KCNIP4: variants seen among roughly 807,000 people sequenced by gnomAD.
KCNIP4 encodes the protein potassium voltage-gated channel interacting protein 4.
KCNIP4 carries 12 observed loss-of-function variants against 34.0 expected under a neutral mutation model. The ratio of observed to expected loss-of-function variants is 0.35; its 90% CI spans 0.23 to 0.57. KCNIP4 has a LOEUF of 0.57. Among genes scored for constraint, KCNIP4 ranks in the 20% least tolerant of loss-of-function variants. The pLI, the probability that KCNIP4 is intolerant of heterozygous loss-of-function variation, is 0.83. For missense variants in KCNIP4, 238 were observed against 311.7 expected, an observed-to-expected ratio of 0.76 and a Z score of 1.78; for synonymous variants, 124 against 102.2, an observed-to-expected ratio of 1.21 and a Z score of -1.29.
intron 1 of KCNIP4, among the ~76,000 whole-genome samples, chr4:21,701,704 G>A (rs1259893947): frequency 6.6e-6 from 1 of 151,888 alleles, no homozygotes; most frequent in Non-Finnish European, 1.5e-5. Context: ...ATACATTTTT[G>A]TTGTTGTTTT....
chr4:21,785,610 T>TAAATAAATAAATAAATA lies in KCNIP4; in HGVS notation c.61+162960_61+162961insTATTTATTTATTTATTT, dbSNP rs1553931494. On this transcript the variant is annotated intron_variant, in intron 1 of 8. Transcript: ENST00000382152. ...CCATCTCAATAAATAAATAAATAAA[T>TAAATAAATAAATAAATA]AAATAAAATAAAAAAATAACCATGA... Among the ~76,000 whole-genome samples, 779 of 147,602 alleles carry TAAATAAATAAATAAATA rather than the reference T, an allele frequency of 5.3e-3. 11 individuals are homozygous for TAAATAAATAAATAAATA. Among genetic ancestry groups the TAAATAAATAAATAAATA allele is most frequent in the African/African-American group, 0.018 (686 of 38,016 alleles).
intron 1 of KCNIP4, among the ~76,000 whole-genome samples, chr4:21,593,817 C>A (rs1190428576): frequency 2.6e-5 from 4 of 152,124 alleles, no homozygotes; most frequent in African/African-American, 4.8e-5. Context: ...TCCATAGCAG[C>A]ATTAATGCCA....
At chr4:20,953,712 CTGAA>C (rs1560597394) in intron 1 of KCNIP4, among the ~76,000 whole-genome samples, 1 of 152,112 alleles carries the variant, frequency 6.6e-6, no homozygotes. Flanking sequence ...CTGTAATTTA[CTGAA>C]TGAATGAATG....
chr4:21,730,968 G>A (rs1451585610), intron 1 of KCNIP4, among the ~76,000 whole-genome samples: 1 of 151,970 alleles, frequency 6.6e-6, no homozygotes, highest in Non-Finnish European at 1.5e-5. Flanking sequence ...CAAAAAATTA[G>A]CCAGACGTGG....
intron 1 of KCNIP4, among the ~76,000 whole-genome samples, chr4:21,752,625 A>T (rs908756663): frequency 5.4e-4 from 82 of 152,320 alleles, no homozygotes; most frequent in Admixed American, 9.2e-4. Flanking sequence ...GAAAAATTCT[A>T]TTCTTTCCTG....
At chr4:21,414,116 G>T (rs370300298) in intron 1 of KCNIP4, among the ~76,000 whole-genome samples, 7 of 152,042 alleles carry the variant, frequency 4.6e-5, no homozygotes, top group African/African-American at 1.4e-4. Flanking sequence ...ATATAGAGTA[G>T]GTTAGATGAT....
rs186310741 is a variant in KCNIP4 at position 21,769,567 on chromosome 4, C to T, written c.61+179004G>A. ...TTATTTTATCTTGAAGGAAACTGTT[C>T]GAATTCCCTCTGTCATGCAAGAAGA... On this transcript the variant is annotated intron_variant, in intron 1 of 8. Transcript: ENST00000382152. Among the ~76,000 whole-genome samples, 1,336 of 152,150 alleles carry T rather than the reference C, an allele frequency of 8.8e-3. 20 individuals carry two copies. The highest frequency in any genetic ancestry group is 0.039 in the South Asian group (188 of 4,826).
chr4:21,605,774 CT>C (rs1743598169), intron 1 of KCNIP4, among the ~76,000 whole-genome samples: 3 of 152,136 alleles, frequency 2.0e-5, no homozygotes, highest in Non-Finnish European at 4.4e-5. Context: ...TCCACTGTGC[CT>C]GGCGTACAAT....
intron 1 of KCNIP4, among the ~76,000 whole-genome samples, chr4:21,014,361 T>C (rs532393773): frequency 6.6e-6 from 1 of 152,318 alleles, no homozygotes; most frequent in South Asian, 2.1e-4. Flanking sequence ...ACACTATTCA[T>C]GGATGAGTCT....
intron 1 of KCNIP4, among the ~76,000 whole-genome samples, chr4:21,322,167 A>AGGAC (rs1714567638): frequency 6.6e-6 from 1 of 150,554 alleles, no homozygotes; most frequent in Non-Finnish European, 1.5e-5. Flanking sequence ...GAAGGAAGGA[A>AGGAC]GGAAGGAAGG....
chr4:21,683,772 A>G (rs543971719), intron 1 of KCNIP4, among the ~76,000 whole-genome samples: 2 of 152,240 alleles, frequency 1.3e-5, no homozygotes, highest in South Asian at 4.1e-4. Flanking sequence ...TTTAAAGAAG[A>G]TCATGTCGTT....
At chr4:21,387,026 T>C (rs551230566) in intron 1 of KCNIP4, among the ~76,000 whole-genome samples, 13 of 152,162 alleles carry the variant, frequency 8.5e-5, no homozygotes, top group Non-Finnish European at 1.5e-4. Flanking sequence ...GAGGTGAAGA[T>C]AGAAACTGCA....
intron 1 of KCNIP4, among the ~76,000 whole-genome samples, chr4:21,519,490 A>ATG (rs1291819622): frequency 2.4e-5 from 2 of 84,522 alleles, no homozygotes; most frequent in African/African-American, 7.1e-5. Flanking sequence ...ATATACACAT[A>ATG]TGTGTGTATG....
intron 1 of KCNIP4, among the ~76,000 whole-genome samples, chr4:21,837,542 A>AAAAAAAAG (rs1553936449): frequency 3.3e-5 from 5 of 149,600 alleles, no homozygotes; most frequent in South Asian, 4.2e-4. Context: ...CAAAAAAAAA[A>AAAAAAAAG]AAAAAGAAAA....
At chr4:21,463,543 AT>A (rs34217407) in intron 1 of KCNIP4, among the ~76,000 whole-genome samples, 4,693 of 151,938 alleles carry the variant, frequency 0.031, 271 homozygotes, top group African/African-American at 0.11. Context: ...TTAGTATAAT[AT>A]TTTTCAAGGT....
At chr4:21,301,293 T>C (rs375671932) in intron 1 of KCNIP4, among the ~76,000 whole-genome samples, 4 of 152,268 alleles carry the variant, frequency 2.6e-5, no homozygotes, top group African/African-American at 9.6e-5. Flanking sequence ...ATTATACAAA[T>C]GTCATATTTT....
At chr4:21,007,875 T>A (rs1287609760) in intron 1 of KCNIP4, among the ~76,000 whole-genome samples, 3 of 152,256 alleles carry the variant, frequency 2.0e-5, no homozygotes, top group Non-Finnish European at 2.9e-5. Flanking sequence ...GTTTATTCTG[T>A]AAACTTTAGT....
intron 1 of KCNIP4, among the ~76,000 whole-genome samples, chr4:21,483,457 C>G (rs1731623469): frequency 6.7e-6 from 1 of 149,126 alleles, no homozygotes; most frequent in South Asian, 2.2e-4. Context: ...TCCCTCTAGT[C>G]CTGTTCTCAC....
At chr4:21,004,762 T>C (rs1577519436) in intron 1 of KCNIP4, among the ~76,000 whole-genome samples, 1 of 152,208 alleles carries the variant, frequency 6.6e-6, no homozygotes, top group East Asian at 1.9e-4. Context: ...GCAATATGGG[T>C]GTCACTGGTA....
Sources: gnomAD v4.1 joint callset for allele counts (sites outside exome capture counted in the v4.1 genomes callset) on GRCh38, gnomAD v4.1.1 for gene constraint, MANE v1.5 for transcripts, NCBI Gene and HGNC (gene_info 2026-07-23, HGNC 2026-07-21) for gene names.